The following MGMT variants were observed in gnomAD, a reference collection of about 807,000 sequenced individuals.
The protein encoded by MGMT is methylated-DNA--protein-cysteine methyltransferase.
A neutral mutation model predicts 15.9 loss-of-function variants in MGMT; 14 were observed. The observed-to-expected ratio is 0.88, with a 90% confidence interval of 0.58 to 1.37. The LOEUF (loss-of-function observed/expected upper bound fraction) is 1.37, where lower values mean the gene tolerates loss of function less well. Ranked by LOEUF, MGMT falls within the 40% of genes most tolerant of loss-of-function variation. MGMT has a pLI of 0.00. For synonymous variants in MGMT, 130 were observed against 118.2 expected, an observed-to-expected ratio of 1.10 and a Z score of -0.65; for missense variants, 282 against 268.1, an observed-to-expected ratio of 1.05 and a Z score of -0.36.
At chr10:129,675,513 G>C (rs1185447534) in intron 2 of MGMT, among the ~76,000 whole-genome samples, 1 of 152,196 alleles carries the variant, frequency 6.6e-6, no homozygotes, top group African/African-American at 2.4e-5. Context: ...CCGTGTTGCT[G>C]GCATGTGTGA....
chr10:129,643,183 C>T (rs904457289), intron 2 of MGMT, among the ~76,000 whole-genome samples: 3 of 152,108 alleles, frequency 2.0e-5, no homozygotes, highest in Non-Finnish European at 4.4e-5. Context: ...CTGTGGCCAA[C>T]TGAGGAGTAC....
intron 2 of MGMT, among the ~76,000 whole-genome samples, chr10:129,675,273 C>A (rs1238848565): frequency 1.3e-5 from 2 of 152,156 alleles, no homozygotes; most frequent in Admixed American, 6.5e-5. Context: ...CGAGTCCTCA[C>A]CCTGGCTGTA....
rs528233495 is a variant in MGMT at position 129,519,446 on chromosome 10, G to A, written c.-12-16795G>A. Among the ~76,000 whole-genome samples the A allele has an allele frequency of 2.6e-5, 4 of 152,320 alleles. No individual in the cohort carries two copies. In the Middle Eastern group the frequency reaches 0.01, roughly 389 times the overall value. ...AAAATTTCCTGCCTTGTGGACTAGA[G>A]CATCGGATTAATCATTTGGAAGCGG... On this transcript the variant is annotated intron_variant, in intron 1 of 4. Transcript: ENST00000651593.
rs1373718904 is a variant in MGMT at position 129,617,692 on chromosome 10, A to AT, written c.125+81322dup. Among the ~76,000 whole-genome samples, 3 of 151,798 alleles carry AT rather than the reference A, an allele frequency of 2.0e-5. No homozygotes were observed. In the East Asian group the frequency reaches 5.8e-4, roughly 29 times the overall value. ...TCTCTAATGATTAGTGATGTTGAGC[A>AT]TTTTTTTCATATGCTTGTTGGCCAT... On this transcript the variant is annotated intron_variant, in intron 2 of 4. Coordinates refer to ENST00000651593, the MANE Select transcript of MGMT (RefSeq NM_002412.5).
chr10:129,713,988 C>T (rs551804469), intron 3 of MGMT, among the ~76,000 whole-genome samples: 1 of 152,368 alleles, frequency 6.6e-6, no homozygotes, highest in South Asian at 2.1e-4. Context: ...TGAATACCTG[C>T]ATCACCTCCA....
chr10:129,483,891 G>A lies in MGMT; in HGVS notation c.-13+16595G>A, dbSNP rs114559987. Among the ~76,000 whole-genome samples, 1,070 of 152,110 alleles carry A rather than the reference G, an allele frequency of 7.0e-3. 13 individuals are homozygous for A. The highest frequency in any genetic ancestry group is 0.024 in the African/African-American group (1,003 of 41,484). ...AGATAGGTAGATAAATAGATATATA[G>A]ATAGATAGATATAGATATAGATACC... On this transcript the variant is annotated intron_variant, in intron 1 of 4. Transcript: ENST00000651593.
intron 2 of MGMT, among the ~76,000 whole-genome samples, chr10:129,559,691 A>G (rs531855373): frequency 1.2e-3 from 185 of 152,320 alleles, no homozygotes; most frequent in Non-Finnish European, 2.3e-3. Context: ...CATCTTAGTC[A>G]TCAGGAATGT....
In MGMT at chr10:129,566,424, C is replaced by T. The variant is rs1335768314; in HGVS notation, c.125+30047C>T. On this transcript the variant is annotated intron_variant, in intron 2 of 4. Transcript: ENST00000651593. This position sits in a 1 kb window ranked among gnomAD's most constrained non-coding sequence, Gnocchi z 4.1. ...GGCCTTAGTGCTCTGGGCGGATGTACCTTGGCTCTGCCTGGACCCTCTCTC... is the reference window on the plus strand; with the variant it reads ...GGCCTTAGTGCTCTGGGCGGATGTATCTTGGCTCTGCCTGGACCCTCTCTC... Among the ~76,000 whole-genome samples the T allele has an allele frequency of 1.3e-5, 2 of 152,118 alleles. No individual in the cohort carries two copies. The highest frequency in any genetic ancestry group is 6.5e-5 in the Admixed American group (1 of 15,268).
rs1377947257 is a variant in MGMT, at chr10:129,533,471, G to A, written c.-12-2770G>A. Reference sequence around the variant, plus strand: ...GATAGAGCAGCAAACATGGCTCCATGGAGAGCGAAACCCAAGCTGGGCTGT... The same window carrying A: ...GATAGAGCAGCAAACATGGCTCCATAGAGAGCGAAACCCAAGCTGGGCTGT... On this transcript the variant is annotated intron_variant, in intron 1 of 4. Coordinates refer to ENST00000651593, the MANE Select transcript of MGMT (RefSeq NM_002412.5). The surrounding 1 kb of genome is among the most constrained non-coding windows in gnomAD (Gnocchi z 4.5). Among the ~76,000 whole-genome samples, 2 of 152,188 alleles carry A rather than the reference G, an allele frequency of 1.3e-5. No homozygotes were observed. The highest frequency in any genetic ancestry group is 4.8e-5 in the African/African-American group (2 of 41,444).
intron 3 of MGMT, among the ~76,000 whole-genome samples, chr10:129,710,763 A>T (rs971807748): frequency 2.0e-5 from 3 of 152,216 alleles, no homozygotes; most frequent in Non-Finnish European, 2.9e-5. Flanking sequence ...TTGACATCTC[A>T]GAGCCGCCTG....
intron 3 of MGMT, among the ~76,000 whole-genome samples, chr10:129,712,930 G>A (rs1206635237): frequency 1.3e-5 from 2 of 152,266 alleles, no homozygotes; most frequent in East Asian, 3.9e-4. Context: ...CTCACCCGAG[G>A]GTCCTAGGGC....
In MGMT at chr10:129,574,406, G is replaced by A. The variant is rs141263120; in HGVS notation, c.125+38029G>A. Among the ~76,000 whole-genome samples the A allele has an allele frequency of 2.5e-3, 386 of 152,258 alleles. 1 individual carries two copies. The highest frequency in any genetic ancestry group is 8.6e-3 in the African/African-American group (357 of 41,542). ...TCATACCAAGCTCACATACTGTGGC[G>A]AAGAGCTTTCTGAGAAACTTCATAA... On this transcript the variant is annotated intron_variant, in intron 2 of 4. Coordinates refer to ENST00000651593, the MANE Select transcript of MGMT (RefSeq NM_002412.5).
intron 3 of MGMT, among the ~76,000 whole-genome samples, chr10:129,749,308 T>C (rs1333770074): frequency 6.6e-6 from 1 of 152,174 alleles, no homozygotes. Flanking sequence ...CTTCTGAAAG[T>C]GCCCCGGCAA....
chr10:129,518,368 A>ACACACACACACACACACACT (rs1845764150), intron 1 of MGMT, among the ~76,000 whole-genome samples: 1 of 140,596 alleles, frequency 7.1e-6, no homozygotes, highest in African/African-American at 2.6e-5. Flanking sequence ...ACACACACAC[A>ACACACACACACACACACACT]CACACATTTG....
chr10:129,537,155 A>G (rs541494645), intron 2 of MGMT: 103 of 134,124 alleles, frequency 7.7e-4, no homozygotes, highest in African/African-American at 2.6e-3. Flanking sequence ...GAAGAAGAAG[A>G]AAAAAAAAAC....
At chr10:129,559,220 G>A (rs185636609) in intron 2 of MGMT, among the ~76,000 whole-genome samples, 91 of 152,188 alleles carry the variant, frequency 6.0e-4, no homozygotes, top group Non-Finnish European at 7.9e-4. Flanking sequence ...GTCAACTTAG[G>A]CAATACATTT....
At chr10:129,725,753 C>T (rs12263730) in intron 3 of MGMT, among the ~76,000 whole-genome samples, 8,024 of 152,288 alleles carry the variant, frequency 0.053, 487 homozygotes, top group African/African-American at 0.15. Flanking sequence ...GCTCACACAT[C>T]CACGTAACTC....
intron 3 of MGMT, among the ~76,000 whole-genome samples, chr10:129,733,771 T>C (rs1848529501): frequency 1.3e-5 from 2 of 152,358 alleles, no homozygotes; most frequent in South Asian, 2.1e-4. Flanking sequence ...TTCAACTTTC[T>C]ACATATGGCT....
At chr10:129,622,954 C>T (rs963776566) in intron 2 of MGMT, among the ~76,000 whole-genome samples, 4 of 152,142 alleles carry the variant, frequency 2.6e-5, no homozygotes, top group African/African-American at 9.7e-5. Context: ...GAGCATACAG[C>T]CCTAGATGAA....
Sources: gnomAD v4.1 joint callset for allele counts (sites outside exome capture counted in the v4.1 genomes callset) on GRCh38, gnomAD v4.1.1 for gene constraint, Gnocchi (gnomAD v3.1) non-coding constraint, MANE v1.5 for transcripts, NCBI Gene and HGNC (gene_info 2026-07-23, HGNC 2026-07-21) for gene names.